The following DIP2C variants were observed in gnomAD, a reference collection of about 807,000 sequenced individuals.
DIP2C encodes the protein DIP2 acetate--CoA ligase C (putative).
DIP2C carries 33 observed loss-of-function variants against 192.4 expected under a neutral mutation model. The observed-to-expected ratio is 0.17, with a 90% CI of 0.13 to 0.23. The LOEUF (loss-of-function observed/expected upper bound fraction) is 0.23, where lower values mean the gene tolerates loss of function less well. Ranked by LOEUF, DIP2C falls within the 10% of genes least tolerant of loss-of-function variation. The pLI is 1.00. For synonymous variants in DIP2C, 979 were observed against 864.1 expected, an observed-to-expected ratio of 1.13 and a Z score of -2.33; for missense variants, 1,537 against 2,110.1, an observed-to-expected ratio of 0.73 and a Z score of 5.32.
intron 28 of DIP2C, among the ~76,000 whole-genome samples, chr10:343,816 G>A (rs1419367106): frequency 2.0e-5 from 3 of 152,176 alleles, no homozygotes; most frequent in East Asian, 1.9e-4. Context: ...ACTAAATACC[G>A]AGAGCTTGTG....
intron 26 of DIP2C, among the ~76,000 whole-genome samples, chr10:347,640 G>A (rs1216586020): frequency 4.5e-5 from 6 of 131,986 alleles, no homozygotes; most frequent in East Asian, 2.4e-4. Context: ...GACACATCGC[G>A]CATAGTTCTC....
At position 276,854 on chromosome 10, in the gene DIP2C, G is replaced by C. The variant is rs1235751720; in HGVS notation, c.*471C>G. The C allele has an allele frequency of 6.3e-6, 1 of 157,644 alleles. No individual in the cohort carries two copies. The highest frequency in any genetic ancestry group is 1.4e-5 in the Non-Finnish European group (1 of 70,998). The allele number at this position is 157,644 out of a possible 1,614,324, so 9.8% of individuals were successfully genotyped here. A position where few individuals can be genotyped will look rare whatever the true frequency, so the allele number is the denominator to read the frequency against. The stretch of plus-strand genomic sequence containing the variant: ...TCCTAAAAGGATGAGATCTAGCAAT[G>C]GCTTAAATTAGTAACAGATCCATGT... On this transcript the variant is annotated 3_prime_UTR_variant, in exon 37 of 37. Coordinates refer to ENST00000280886, the MANE Select transcript of DIP2C (RefSeq NM_014974.3).
At position 555,642 on chromosome 10, in the gene DIP2C, C is replaced by T. The variant is rs542962147; in HGVS notation, c.86-69112G>A. Among the ~76,000 whole-genome samples the T allele has an allele frequency of 4.6e-5, 7 of 152,258 alleles. No individual in the cohort carries two copies. In the South Asian group the frequency reaches 1.0e-3, roughly 23 times the overall value. On this transcript the variant is annotated intron_variant, in intron 1 of 36. Coordinates refer to ENST00000280886, the MANE Select transcript of DIP2C (RefSeq NM_014974.3). ...TCTCAGGGTATCTGGGGACCAGCCA[C>T]GTGAGGGGAACCTCCTGGCCTGGCA...
intron 1 of DIP2C, among the ~76,000 whole-genome samples, chr10:633,793 G>A (rs972766121): frequency 6.6e-6 from 1 of 152,228 alleles, no homozygotes; most frequent in Non-Finnish European, 1.5e-5. Context: ...AACTGCAGAC[G>A]AGTTTTCCTG....
chr10:436,760 GATATGCTCC>G (rs1967253475), intron 4 of DIP2C, among the ~76,000 whole-genome samples: 1 of 126,458 alleles, frequency 7.9e-6, no homozygotes, highest in African/African-American at 4.3e-5. Context: ...ATGGTAGGGT[GATATGCTCC>G]GCCCACACCT....
At chr10:687,852 A>C (rs946727018) in intron 1 of DIP2C, among the ~76,000 whole-genome samples, 3 of 152,144 alleles carry the variant, frequency 2.0e-5, no homozygotes, top group African/African-American at 7.2e-5. Flanking sequence ...GGGTGGGGGA[A>C]CCCTCAGATG....
At chr10:531,538 C>T (rs1033150996) in intron 1 of DIP2C, among the ~76,000 whole-genome samples, 6 of 152,122 alleles carry the variant, frequency 3.9e-5, no homozygotes, top group African/African-American at 1.4e-4. Context: ...TTCCTAACAC[C>T]AAAGGTTCAG....
intron 32 of DIP2C, among the ~76,000 whole-genome samples, chr10:303,424 G>A (rs1956151825): frequency 6.6e-6 from 1 of 152,020 alleles, no homozygotes; most frequent in African/African-American, 2.4e-5. Flanking sequence ...ATTCCTTAAA[G>A]CTTTTTGACT....
At chr10:605,686 C>T (rs1414211610) in intron 1 of DIP2C, among the ~76,000 whole-genome samples, 4 of 152,212 alleles carry the variant, frequency 2.6e-5, no homozygotes, top group African/African-American at 7.2e-5. Context: ...ATATTGATCT[C>T]CCTCAGAACT....
chr10:641,214 C>T (rs764743624), intron 1 of DIP2C, among the ~76,000 whole-genome samples: 7 of 151,930 alleles, frequency 4.6e-5, no homozygotes, highest in South Asian at 2.1e-4. Context: ...ATAGTGGGGA[C>T]GCTCTCCGGA....
intron 1 of DIP2C, chr10:664,077 G>C (rs1032887953): frequency 6.4e-4 from 98 of 152,280 alleles, no homozygotes; most frequent in African/African-American, 2.0e-3. Context: ...GGAGGCAGGG[G>C]TGACACTCAG....
In DIP2C at chr10:678,756, ATGTC is replaced by A. The variant is rs1348029331; in HGVS notation, c.85+10734_85+10737del. On this transcript the variant is annotated intron_variant, in intron 1 of 36. Coordinates refer to ENST00000280886, the MANE Select transcript of DIP2C (RefSeq NM_014974.3). ...CTCCCCGCGCCCATCTCTGCTCCCC[ATGTC>A]CATGCTCCCCGCACCTGTCCTCCCT... is the stretch of plus-strand genomic sequence containing the variant. Among the ~76,000 whole-genome samples the A allele has an allele frequency of 1.4e-3, 33 of 23,442 alleles. 2 individuals are homozygous for A. The highest frequency in any genetic ancestry group is 4.9e-3 in the African/African-American group (30 of 6,182). 15.4% of individuals were successfully genotyped at this position (23,442 alleles called of 152,430 possible).
intron 6 of DIP2C, 89 bp downstream of exon 6, chr10:418,976 G>A: frequency 2.5e-6 from 4 of 1,570,502 alleles, no homozygotes; most frequent in Non-Finnish European, 2.6e-6. Context: ...TTGTACCCCA[G>A]GAAGAAACAC....
chr10:388,952 G>A (rs543652839), intron 13 of DIP2C, among the ~76,000 whole-genome samples: 134 of 30,168 alleles, frequency 4.4e-3, no homozygotes, highest in African/African-American at 0.014. Context: ...CAGGGACATG[G>A]GGGGGTTCTC....
chr10:288,344 C>T lies in DIP2C; in HGVS notation c.4044+20G>A, dbSNP rs1234008129. 1 of 1,610,792 alleles carries T rather than the reference C, an allele frequency of 6.2e-7. No homozygotes were observed. Among genetic ancestry groups the T allele is most frequent in the Non-Finnish European group, 8.5e-7 (1 of 1,178,102 alleles). On this transcript the variant is annotated intron_variant, in intron 33 of 36. Transcript: ENST00000280886. Reference sequence around the variant, plus strand: ...AAGCGAACGGATACAGAAATGCGTGCCTCTTCCTATAATACTTACCTTTCC... The same window carrying T: ...AAGCGAACGGATACAGAAATGCGTGTCTCTTCCTATAATACTTACCTTTCC...
At chr10:478,681 A>C (rs1232577161) in intron 2 of DIP2C, among the ~76,000 whole-genome samples, 1 of 150,744 alleles carries the variant, frequency 6.6e-6, no homozygotes, top group Non-Finnish European at 1.5e-5. Flanking sequence ...GACACATCCA[A>C]GTTCCCGTCT....
At chr10:471,560 T>A (rs1001193488) in intron 3 of DIP2C, among the ~76,000 whole-genome samples, 1 of 152,180 alleles carries the variant, frequency 6.6e-6, no homozygotes, top group Non-Finnish European at 1.5e-5. Flanking sequence ...AATGTGAGGA[T>A]GCCAGTGAAG....
At chr10:595,063 C>G (rs1391091905) in intron 1 of DIP2C, among the ~76,000 whole-genome samples, 1 of 152,236 alleles carries the variant, frequency 6.6e-6, no homozygotes, top group African/African-American at 2.4e-5. Flanking sequence ...CACCGACCCG[C>G]AGGTCTTCTA....
intron 1 of DIP2C, among the ~76,000 whole-genome samples, chr10:588,721 C>T (rs897674827): frequency 6.6e-6 from 1 of 152,194 alleles, no homozygotes; most frequent in Admixed American, 6.5e-5. Flanking sequence ...GTCCCGCAGG[C>T]GGGGAGGGTG....
Sources: gnomAD v4.1 joint callset for allele counts (sites outside exome capture counted in the v4.1 genomes callset) on GRCh38, gnomAD v4.1.1 for gene constraint, MANE v1.5 for transcripts, NCBI Gene and HGNC (gene_info 2026-07-23, HGNC 2026-07-21) for gene names.